Variants in DPY19L3 observed in about 807,000 individuals in gnomAD.
DPY19L3 encodes protein C-mannosyl-transferase DPY19L3.
A neutral mutation model predicts 92.3 loss-of-function variants in DPY19L3; 51 were observed. The ratio of observed to expected loss-of-function variants is 0.55; its 90% CI spans 0.44 to 0.70. The LOEUF is 0.70. DPY19L3 is among the 30% of genes least tolerant of loss of function. DPY19L3 has a pLI of 0.00. For synonymous variants in DPY19L3, 309 were observed against 315.2 expected, an observed-to-expected ratio of 0.98 and a Z score of 0.21; for missense variants, 706 against 855.9, an observed-to-expected ratio of 0.82 and a Z score of 2.18.
At position 32,482,051 on chromosome 19, in the gene DPY19L3, ATTGTAT is replaced by A. The variant is rs143692589; in HGVS notation, c.1990-24_1990-19del. ...TTTGTAAATAGAATTTTCCCCCCAAATTGTATTTGGGTTTGTTTTGGTTTTAGATGA... is the reference window on the plus strand; with the variant it reads ...TTTGTAAATAGAATTTTCCCCCCAAATTGGGTTTGTTTTGGTTTTAGATGA... On this transcript the variant is annotated intron_variant, in intron 18 of 18. Coordinates refer to ENST00000392250, the MANE Select transcript of DPY19L3 (RefSeq NM_001172774.2). 167 of 1,599,818 alleles carry A rather than the reference ATTGTAT, an allele frequency of 1.0e-4. No homozygotes were observed. In the East Asian group the frequency reaches 3.6e-3, roughly 35 times the overall value.
chr19:32,462,046 GTTTAA>G (rs1359429476), intron 12 of DPY19L3, among the ~76,000 whole-genome samples: 1 of 152,066 alleles, frequency 6.6e-6, no homozygotes, highest in Non-Finnish European at 1.5e-5. Context: ...CTGTGATAAA[GTTTAA>G]TTTATAAATT....
At chr19:32,415,899 G>C (rs1968362320) in intron 3 of DPY19L3, among the ~76,000 whole-genome samples, 2 of 152,198 alleles carry the variant, frequency 1.3e-5, no homozygotes, top group African/African-American at 2.4e-5. Flanking sequence ...AAGGCTACTT[G>C]GAATTGGGAA....
At position 32,423,402 on chromosome 19, in the gene DPY19L3, A is replaced by ATT. The variant is rs71176123; in HGVS notation, c.238-9297_238-9296dup. On this transcript the variant is annotated intron_variant, in intron 3 of 18. Transcript: ENST00000392250. ...AGGCATGCACCACCATGCCCAGCTA[A>ATT]TTTTTTTTTTTTTTTTTTGGTATTT... Among the ~76,000 whole-genome samples the ATT allele has an allele frequency of 4.0e-3, 333 of 82,234 alleles. 9 individuals carry two copies. The highest frequency in any genetic ancestry group is 0.016 in the Middle Eastern group (2 of 124). 53.9% of individuals were successfully genotyped at this position (82,234 alleles called of 152,430 possible).
Position 32,463,367 on chromosome 19 carries a change from G to T in DPY19L3, c.1324G>T (p.Asp442Tyr). 6.2e-7 allele frequency: 1 copy of T among 1,613,326 alleles called. No individual in the cohort carries two copies. Among genetic ancestry groups the T allele is most frequent in the South Asian group, 1.1e-5 (1 of 90,990 alleles). Residue 442 changes from aspartate to tyrosine, a missense_variant and splice_region_variant, in exon 13 of 19, where the codon GAT (aspartate) becomes TAT (tyrosine). Physicochemically the swap from Asp to Tyr is radical, Grantham distance 160. Coordinates refer to ENST00000392250, the MANE Select transcript of DPY19L3 (RefSeq NM_001172774.2). ...TTTGTATGTTGCTGTTTTACTCAGT[G>T]ATTCTACAAATCAACAATCCGTGGG... is the stretch of plus-strand genomic sequence containing the variant. ...AFVVAFHNLS[D>Y]STNQQSVGKM...
At chr19:32,474,838 C>G (rs2145629590) in intron 16 of DPY19L3, among the ~76,000 whole-genome samples, 1 of 152,320 alleles carries the variant, frequency 6.6e-6, no homozygotes, top group Middle Eastern at 3.4e-3. Context: ...GATCTCCCCA[C>G]CTGGCCGTCC....
In DPY19L3 at chr19:32,454,568, C is replaced by T. The variant is rs765873139; in HGVS notation, c.988-371C>T. On this transcript the variant is annotated intron_variant, in intron 9 of 18. Coordinates refer to ENST00000392250, the MANE Select transcript of DPY19L3 (RefSeq NM_001172774.2). ...CAGCCTGGGCAGCAGAGTGAGACTC[C>T]GTCTCAAAAGAAAAAGAAAAAAAGA... is the stretch of plus-strand genomic sequence containing the variant. Among the ~76,000 whole-genome samples, 5 of 151,814 alleles carry T rather than the reference C, an allele frequency of 3.3e-5. No individual in the cohort carries two copies. In the East Asian group the frequency reaches 5.8e-4, roughly 18 times the overall value.
intron 16 of DPY19L3, among the ~76,000 whole-genome samples, chr19:32,474,468 G>A (rs1215789660): frequency 6.6e-6 from 1 of 152,232 alleles, no homozygotes; most frequent in African/African-American, 2.4e-5. Flanking sequence ...TTCAGTGACT[G>A]CTGTTTCATT....
intron 8 of DPY19L3, among the ~76,000 whole-genome samples, chr19:32,452,616 C>T (rs1474087886): frequency 6.6e-6 from 1 of 152,210 alleles, no homozygotes; most frequent in African/African-American, 2.4e-5. Context: ...CTCTTTACTT[C>T]CCCTTTAATT....
At chr19:32,452,096 G>A (rs1400454185) in intron 8 of DPY19L3, among the ~76,000 whole-genome samples, 1 of 152,170 alleles carries the variant, frequency 6.6e-6, no homozygotes, top group East Asian at 1.9e-4. Flanking sequence ...AAGATGTTGG[G>A]ATTACAGGCA....
In DPY19L3 at chr19:32,463,928, C is replaced by T; in HGVS notation, c.1505C>T (p.Pro502Leu). 1 of 1,613,508 alleles carries T rather than the reference C, an allele frequency of 6.2e-7. No individual in the cohort carries two copies. Among genetic ancestry groups the T allele is most frequent in the Non-Finnish European group, 8.5e-7 (1 of 1,179,572 alleles). Residue 502 changes from proline (P) to leucine (L), a missense_variant, in exon 14 of 19, where the codon CCT (proline) becomes CTT (leucine). Physicochemically the swap from Pro to Leu is moderately conservative, Grantham distance 98 (BLOSUM62 -3). Transcript: ENST00000392250. ...CVFASFGLCS[P>L]EIWELLLKSV... ...TTCGCATCATTCGGCCTATGTAGCC[C>T]TGAAATATGGGAGTTACTTCTGAAG... is the stretch of plus-strand genomic sequence containing the variant.
chr19:32,444,537 G>GA (rs1394049842), intron 8 of DPY19L3, among the ~76,000 whole-genome samples: 1 of 152,048 alleles, frequency 6.6e-6, no homozygotes, highest in Non-Finnish European at 1.5e-5. Context: ...TACTGAAGCT[G>GA]AAAAAAGTAT....
chr19:32,451,052 A>G (rs1428244914), intron 8 of DPY19L3, among the ~76,000 whole-genome samples: 1 of 152,206 alleles, frequency 6.6e-6, no homozygotes, highest in Non-Finnish European at 1.5e-5. Context: ...TATGTAACTA[A>G]TCAGACAATT....
chr19:32,484,076 G>A lies in DPY19L3; in HGVS notation c.*1836G>A, dbSNP rs554238349. The A allele has an allele frequency of 3.3e-5, 5 of 152,206 alleles. No individual in the cohort carries two copies. The highest frequency in any genetic ancestry group is 4.4e-5 in the Non-Finnish European group (3 of 67,980). 9.4% of individuals were successfully genotyped at this position (152,206 alleles called of 1,614,324 possible). A position where few individuals can be genotyped will look rare whatever the true frequency, so the allele number is the denominator to read the frequency against. On this transcript the variant is annotated 3_prime_UTR_variant, in exon 19 of 19. Coordinates refer to ENST00000392250, the MANE Select transcript of DPY19L3 (RefSeq NM_001172774.2). ...TGGAGTCTTAATATACAAGAAACAC[G>A]TACTTAAATTTTTATGCTTATCACC...
intron 9 of DPY19L3, 53 bp downstream of exon 9, chr19:32,453,329 G>A (rs1969767391): frequency 2.6e-6 from 4 of 1,534,198 alleles, no homozygotes; most frequent in Admixed American, 2.1e-5. Context: ...TAATTGCGTG[G>A]TTTATTGAAC....
intron 3 of DPY19L3, 154 bp downstream of exon 3, chr19:32,411,526 A>G: frequency 3.5e-6 from 2 of 564,390 alleles, no homozygotes; most frequent in Non-Finnish European, 2.9e-6. Context: ...TGTGTTTATT[A>G]TTTTAAAATA....
At chr19:32,458,616 T>A in intron 12 of DPY19L3, 107 bp downstream of exon 12, 1 of 1,185,230 alleles carries the variant, frequency 8.4e-7, no homozygotes. Flanking sequence ...GTAATAGTAT[T>A]CATCTTAAAG....
chr19:32,427,589 T>TA (rs576845609), intron 3 of DPY19L3, among the ~76,000 whole-genome samples: 226 of 152,342 alleles, frequency 1.5e-3, no homozygotes, highest in African/African-American at 5.3e-3. Flanking sequence ...ACGGTAGTGC[T>TA]AAGACTGCTG....
chr19:32,453,303 A>G (rs1419194333), intron 9 of DPY19L3, 27 bp downstream of exon 9: 10 of 1,577,674 alleles, frequency 6.3e-6, no homozygotes, highest in Non-Finnish European at 8.6e-6. Flanking sequence ...GTCCTTTATC[A>G]AAGTAAACTT....
At chr19:32,468,542 A>C (rs897867902) in intron 15 of DPY19L3, 189 bp from the exon 16 acceptor site, 18 of 1,239,928 alleles carry the variant, frequency 1.5e-5, no homozygotes, top group South Asian at 3.2e-5. Flanking sequence ...TAATTTCAGA[A>C]ACTTCCCAGG....
Sources: gnomAD v4.1 joint callset for allele counts (sites outside exome capture counted in the v4.1 genomes callset) on GRCh38, gnomAD v4.1.1 for gene constraint, MANE v1.5 for transcripts, NCBI Gene and HGNC (gene_info 2026-07-23, HGNC 2026-07-21) for gene names.